Variants in PCDH15 observed in about 807,000 individuals in gnomAD.
PCDH15 encodes the protein protocadherin related 15, also known as protocadherin-15.
PCDH15 carries 129 observed loss-of-function variants against 178.5 expected under a neutral mutation model. The observed-to-expected ratio is 0.72, with a 90% CI of 0.63 to 0.84. The LOEUF (loss-of-function observed/expected upper bound fraction) is 0.84, where lower values mean the gene tolerates loss of function less well. PCDH15 is among the 40% of genes least tolerant of loss of function. The pLI is 0.00. For synonymous variants in PCDH15, 800 were observed against 732.0 expected, an observed-to-expected ratio of 1.09 and a Z score of -1.50; for missense variants, 2,230 against 2,099.9, an observed-to-expected ratio of 1.06 and a Z score of -1.21.
rs377033615 is a variant in PCDH15 at position 55,547,897 on chromosome 10, C to CTGTG, written c.-156+79724_-156+79727dup. ...CAATGCAGGGAGGTGGTGTGTGTGTCTGTGTGTGTGTGTGAGAGAGAGAGA... is the reference window on the plus strand; with the variant it reads ...CAATGCAGGGAGGTGGTGTGTGTGTCTGTGTGTGTGTGTGTGTGAGAGAGAGAGA... On this transcript the variant is annotated intron_variant, in intron 2 of 5. Transcript: ENST00000613346. Among the ~76,000 whole-genome samples, 250 of 102,040 alleles carry CTGTG rather than the reference C, an allele frequency of 2.5e-3. 9 individuals are homozygous for CTGTG. Among genetic ancestry groups the CTGTG allele is most frequent in the African/African-American group, 8.0e-3 (178 of 22,184 alleles). 66.9% of individuals were successfully genotyped at this position (102,040 alleles called of 152,430 possible). A position where few individuals can be genotyped will look rare whatever the true frequency, so the allele number is the denominator to read the frequency against.
chr10:54,155,250 G>C (rs968925828), intron 13 of PCDH15, among the ~76,000 whole-genome samples: 1 of 152,102 alleles, frequency 6.6e-6, no homozygotes, highest in Non-Finnish European at 1.5e-5. Flanking sequence ...GGGAGGATAA[G>C]CTGGATGATA....
rs367821403 is a variant in PCDH15 at position 54,423,198 on chromosome 10, C to G, written c.158-44256G>C. On this transcript the variant is annotated intron_variant, in intron 3 of 37. Coordinates refer to ENST00000644397, the MANE Select transcript of PCDH15 (RefSeq NM_001384140.1). ...ATTTACAGTCAGGGATTGACTTACC[C>G]AAACCAGATGCTCCCCCTGCCAGCA... Among the ~76,000 whole-genome samples the G allele has an allele frequency of 5.9e-5, 9 of 152,182 alleles. No homozygotes were observed. In the South Asian group the frequency reaches 1.9e-3, roughly 32 times the overall value.
At chr10:53,884,005 T>C (rs2080917399) in intron 26 of PCDH15, among the ~76,000 whole-genome samples, 1 of 147,644 alleles carries the variant, frequency 6.8e-6, no homozygotes, top group Admixed American at 7.1e-5. Context: ...CGTGAGCCAC[T>C]GTGCCTGGCC....
At chr10:55,614,279 A>G (rs1843432706) in intron 2 of PCDH15, among the ~76,000 whole-genome samples, 1 of 152,190 alleles carries the variant, frequency 6.6e-6, no homozygotes, top group Non-Finnish European at 1.5e-5. Flanking sequence ...TCGTTTTCTT[A>G]TACTCATCTC....
At chr10:55,614,785 A>T (rs1843441427) in intron 2 of PCDH15, among the ~76,000 whole-genome samples, 1 of 152,158 alleles carries the variant, frequency 6.6e-6, no homozygotes, top group Admixed American at 6.6e-5. Flanking sequence ...CTTTTTGTCT[A>T]ATTTTATTAA....
rs1949045831 is a variant in PCDH15 at position 54,380,554 on chromosome 10, T to C, written c.158-1612A>G. 2.1e-5 allele frequency among the ~76,000 whole-genome samples: 3 copies of C among 143,708 alleles called. No homozygotes were observed. In the South Asian group the frequency reaches 6.7e-4, roughly 32 times the overall value. 94.3% of individuals were successfully genotyped at this position (143,708 alleles called of 152,430 possible). On this transcript the variant is annotated intron_variant, in intron 3 of 37. Coordinates refer to ENST00000644397, the MANE Select transcript of PCDH15 (RefSeq NM_001384140.1). The stretch of plus-strand genomic sequence containing the variant: ...TCTCATCAAGAAAACTTATGTACAA[T>C]AGGCAGGTCAACTAACATTAACATT...
chr10:54,771,123 GA>G (rs1039279444), intron 1 of PCDH15, among the ~76,000 whole-genome samples: 8 of 151,994 alleles, frequency 5.3e-5, no homozygotes, highest in Non-Finnish European at 7.4e-5. Context: ...TAGGTACTTT[GA>G]ATTCATCTGC....
rs150136648 is a variant in PCDH15 at position 55,304,078 on chromosome 10, G to A, written c.-156+15521C>T. The stretch of plus-strand genomic sequence containing the variant: ...TTATCTGTGTCTCACAAATTTTGAT[G>A]TGTTTGGAGTAGCTAGTAACTGTGC... On this transcript the variant is annotated intron_variant, in intron 1 of 5. Coordinates refer to the PCDH15 transcript ENST00000458638. 5.1e-3 allele frequency among the ~76,000 whole-genome samples: 771 copies of A among 152,080 alleles called. 11 individuals are homozygous for A. The highest frequency in any genetic ancestry group is 0.017 in the African/African-American group (719 of 41,494).
At chr10:54,336,468 A>G (rs1274441127) in intron 6 of PCDH15, among the ~76,000 whole-genome samples, 1 of 151,990 alleles carries the variant, frequency 6.6e-6, no homozygotes, top group African/African-American at 2.4e-5. Context: ...CAGCCTAGGA[A>G]CTCGGTGCCC....
chr10:54,314,130 TACAC>T lies in PCDH15; in HGVS notation c.876+3137_876+3140del, dbSNP rs58949602. Among the ~76,000 whole-genome samples the T allele has an allele frequency of 2.8e-3, 413 of 149,812 alleles. 1 individual carries two copies. Among genetic ancestry groups the T allele is most frequent in the South Asian group, 5.5e-3 (26 of 4,696 alleles). ...TATTTAAAAGGATTTTAATTGGAAG[TACAC>T]ACACACACACACACACACACACACA... is the stretch of plus-strand genomic sequence containing the variant. On this transcript the variant is annotated intron_variant, in intron 8 of 37. Transcript: ENST00000644397.
At chr10:54,875,014 C>T (rs1289600144) in intron 3 of PCDH15, among the ~76,000 whole-genome samples, 1 of 152,084 alleles carries the variant, frequency 6.6e-6, no homozygotes, top group Non-Finnish European at 1.5e-5. Flanking sequence ...TACAAGCACG[C>T]TTCATTTTAT....
intron 33 of PCDH15, among the ~76,000 whole-genome samples, chr10:53,818,788 T>TAATC (rs370246494): frequency 0.012 from 1,769 of 152,182 alleles, 18 homozygotes; most frequent in Non-Finnish European, 0.02. Flanking sequence ...TATGTAGAAT[T>TAATC]AATCAATCAG....
At chr10:53,993,732 G>A (rs576697336) in intron 21 of PCDH15, among the ~76,000 whole-genome samples, 1 of 152,192 alleles carries the variant, frequency 6.6e-6, no homozygotes, top group East Asian at 1.9e-4. Flanking sequence ...ATTCGTGTAG[G>A]TGCAACCAAA....
At chr10:54,729,491 T>C (rs1361690824) in intron 1 of PCDH15, among the ~76,000 whole-genome samples, 1 of 151,442 alleles carries the variant, frequency 6.6e-6, no homozygotes, top group East Asian at 1.9e-4. Flanking sequence ...ACATTGTCCC[T>C]GGCAAGGATT....
intron 2 of PCDH15, among the ~76,000 whole-genome samples, chr10:54,908,104 T>G (rs1460510131): frequency 6.6e-6 from 1 of 152,124 alleles, no homozygotes; most frequent in Non-Finnish European, 1.5e-5. Context: ...TTTGCCTGAG[T>G]TTTGCTCTGG....
At chr10:54,206,033 C>T (rs1008525045) in intron 10 of PCDH15, among the ~76,000 whole-genome samples, 1 of 151,862 alleles carries the variant, frequency 6.6e-6, no homozygotes, top group Non-Finnish European at 1.5e-5. Context: ...AATATAACGA[C>T]GAAATAATAC....
intron 3 of PCDH15, among the ~76,000 whole-genome samples, chr10:54,828,242 C>A (rs1237517030): frequency 6.6e-6 from 1 of 151,696 alleles, no homozygotes; most frequent in African/African-American, 2.4e-5. Context: ...GATCATAAGT[C>A]CTGAGATAAC....
chr10:54,407,003 A>T (rs2384456), intron 3 of PCDH15, among the ~76,000 whole-genome samples: 1 of 152,156 alleles, frequency 6.6e-6, no homozygotes, highest in Admixed American at 6.6e-5. Flanking sequence ...CTTGTATGCC[A>T]AATACACAAA....
intron 3 of PCDH15, among the ~76,000 whole-genome samples, chr10:54,470,332 GC>G (rs1218254655): frequency 9.2e-5 from 14 of 152,130 alleles, no homozygotes; most frequent in African/African-American, 3.4e-4. Flanking sequence ...GCTAAAGGTT[GC>G]TGGGTCACTG....
Sources: gnomAD v4.1 joint callset for allele counts (sites outside exome capture counted in the v4.1 genomes callset) on GRCh38, gnomAD v4.1.1 for gene constraint, MANE v1.5 for transcripts, NCBI Gene and HGNC (gene_info 2026-07-23, HGNC 2026-07-21) for gene names.